The following MAPDA variants were observed in gnomAD, a reference collection of about 807,000 sequenced individuals.
MAPDA encodes the protein N6,N6-dimethyl-AMP deaminase.
chr15:43,348,870 A>G, the MAPDA span: 3 of 1,602,572 alleles, frequency 1.9e-6, no homozygotes, highest in Non-Finnish European at 2.6e-6. Context: ...GAACCACTGA[A>G]AGAGGCCATT....
At chr15:43,345,788 G>T in the MAPDA span, 1 of 1,584,706 alleles carries the variant, frequency 6.3e-7, no homozygotes, top group East Asian at 2.2e-5. Context: ...CTGTCTGGCT[G>T]TACTCAGAAT....
chr15:43,353,478 C>T, the MAPDA span: 1 of 152,094 alleles, frequency 6.6e-6, no homozygotes, highest in Admixed American at 6.5e-5. Flanking sequence ...TGGTCTTTGA[C>T]CCTGTTTCCT....
chr15:43,346,073 A>C, the MAPDA span: 2 of 1,511,770 alleles, frequency 1.3e-6, no homozygotes, highest in Non-Finnish European at 1.8e-6. Context: ...CATTCTCCAG[A>C]GTGTCCAACA....
the MAPDA span, among the ~76,000 whole-genome samples, chr15:43,344,970 C>G: frequency 1.3e-5 from 2 of 151,862 alleles, no homozygotes; most frequent in Non-Finnish European, 2.9e-5. Context: ...TGGATCTCAC[C>G]CTCCTAAGAA....
At chr15:43,346,023 A>G in the MAPDA span, 1 of 1,610,778 alleles carries the variant, frequency 6.2e-7, no homozygotes, top group South Asian at 1.1e-5. Context: ...TAAAAGGTAG[A>G]ATCAGTGGGA....
the MAPDA span, among the ~76,000 whole-genome samples, chr15:43,340,614 C>T: frequency 1.1e-3 from 162 of 152,302 alleles, no homozygotes; most frequent in Admixed American, 3.1e-3. Context: ...TAACCACAAA[C>T]TCCTGGGCCC....
At chr15:43,349,343 CTT>C in the MAPDA span, 1 of 1,071,928 alleles carries the variant, frequency 9.3e-7, no homozygotes, top group Non-Finnish European at 1.2e-6. Flanking sequence ...TTTAAAATGA[CTT>C]TAACAAAATT....
chr15:43,354,212 A>G, the MAPDA span: 1 of 152,228 alleles, frequency 6.6e-6, no homozygotes, highest in Admixed American at 6.5e-5. Context: ...GTGGTGTGAG[A>G]GCAGAGGAAA....
the MAPDA span, chr15:43,335,558 A>G: frequency 1.0e-6 from 1 of 964,472 alleles, no homozygotes; most frequent in Non-Finnish European, 1.5e-6. Context: ...TAAATTTTGT[A>G]GGCAAAATTT....
the MAPDA span, among the ~76,000 whole-genome samples, chr15:43,344,323 A>G: frequency 2.0e-5 from 3 of 152,202 alleles, no homozygotes; most frequent in Admixed American, 6.5e-5. Context: ...CATATGATTT[A>G]TACTATTTTC....
chr15:43,335,255 C>G, the MAPDA span: 1 of 1,468,644 alleles, frequency 6.8e-7, no homozygotes, highest in African/African-American at 1.4e-5. Flanking sequence ...TAAATTTTGG[C>G]TGGGCGCAGT....
At chr15:43,335,153 T>C in the MAPDA span, 98 of 1,613,788 alleles carry the variant, frequency 6.1e-5, no homozygotes, top group Non-Finnish European at 8.1e-5. Flanking sequence ...AGACTTCTAT[T>C]CTGAATTGCC....
the MAPDA span, chr15:43,348,964 G>A: frequency 3.7e-6 from 6 of 1,613,936 alleles, no homozygotes; most frequent in South Asian, 2.2e-5. Context: ...TGACAGAATC[G>A]GGCATGGAAC....
the MAPDA span, chr15:43,343,180 G>A: frequency 1.4e-6 from 1 of 728,486 alleles, no homozygotes; most frequent in Non-Finnish European, 2.1e-6. Flanking sequence ...ATCATTCATT[G>A]ATTTATACAA....
At chr15:43,345,982 TA>T in the MAPDA span, 2 of 1,613,786 alleles carry the variant, frequency 1.2e-6, no homozygotes, top group African/African-American at 2.7e-5. Flanking sequence ...GACCCTACTG[TA>T]AGTTATTTTT....
chr15:43,330,524 G>A, the MAPDA span: 2 of 1,508,338 alleles, frequency 1.3e-6, no homozygotes, highest in East Asian at 2.3e-5. Flanking sequence ...AGTCTGTCAC[G>A]GTTGTGAGCC....
At chr15:43,336,670 C>A in the MAPDA span, 2 of 1,555,572 alleles carry the variant, frequency 1.3e-6, no homozygotes, top group South Asian at 1.3e-5. Context: ...ACTAGTAGCC[C>A]TGAAGATATT....
chr15:43,337,105 A>G, the MAPDA span, among the ~76,000 whole-genome samples: 1 of 132,438 alleles, frequency 7.6e-6, no homozygotes, highest in Admixed American at 7.0e-5. Context: ...TGTCTCTACT[A>G]AAAATACAAA....
chr15:43,340,970 C>G, the MAPDA span, among the ~76,000 whole-genome samples: 1 of 152,166 alleles, frequency 6.6e-6, no homozygotes, highest in Admixed American at 6.5e-5. Context: ...GTTATTCATT[C>G]GCTTCTCAGG....
Sources: gnomAD v4.1 joint callset for allele counts (sites outside exome capture counted in the v4.1 genomes callset) on GRCh38, gnomAD v4.1.1 for gene constraint, MANE v1.5 for transcripts, NCBI Gene and HGNC (gene_info 2026-07-23, HGNC 2026-07-21) for gene names.